The following TRPA1 variants were observed in gnomAD, a reference collection of about 807,000 sequenced individuals.
The protein encoded by TRPA1 is ankyrin-like with transmembrane domains 1.
Under a neutral mutation model 131.3 loss-of-function variants are expected in TRPA1, and 129 were observed. The observed-to-expected ratio is 0.98, with a 90% CI of 0.85 to 1.14. The LOEUF is 1.14. TRPA1 is among the 50% of genes most tolerant of loss of function. The probability of loss-of-function intolerance (pLI) is 0.00; values close to 1 mark genes in which losing one functional copy is unlikely to be tolerated. For missense variants in TRPA1, 1,304 were observed against 1,354.2 expected (o/e 0.96, Z 0.58); for synonymous variants, 441 against 451.7 (o/e 0.98, Z 0.30).
At chr8:72,079,504 CAATT>C (rs1806250489), upstream of TRPA1, among the ~76,000 whole-genome samples, 1 of 151,936 alleles carries the variant, frequency 6.6e-6, no homozygotes, top group African/African-American at 2.4e-5. Context: ...TGTCAAAAAT[CAATT>C]GACTACAAAT....
chr8:72,057,092 GC>G (rs2129435725), intron 9 of TRPA1, 75 bp from the exon 10 acceptor site: 1 of 1,220,644 alleles, frequency 8.2e-7, no homozygotes, highest in African/African-American at 1.6e-5. Flanking sequence ...TTTCAACTTA[GC>G]AAAAAAAAAT....
chr8:72,021,963 T>C lies in TRPA1; in HGVS notation c.*943A>G, dbSNP rs1811407678. On this transcript the variant is annotated 3_prime_UTR_variant, in exon 27 of 27. Transcript: ENST00000262209. Reference sequence around the variant, plus strand: ...ACAACATAACACAAGGACACATACATAGCCAAAGACATATTCATTACAGTG... The same window carrying C: ...ACAACATAACACAAGGACACATACACAGCCAAAGACATATTCATTACAGTG... 2 of 152,100 alleles carry C rather than the reference T, an allele frequency of 1.3e-5. No homozygotes were observed. The highest frequency in any genetic ancestry group is 6.6e-5 in the Admixed American group (1 of 15,262). 9.4% of individuals were successfully genotyped at this position (152,100 alleles called of 1,614,324 possible).
At chr8:72,063,431 A>G in intron 5 of TRPA1, 32 bp downstream of exon 5, 1 of 1,437,246 alleles carries the variant, frequency 7.0e-7, no homozygotes, top group Non-Finnish European at 9.8e-7. Context: ...AGACTTATTT[A>G]TAGTATATAA....
rs943168030 is a variant in TRPA1, at chr8:72,075,579, T to G, written c.-170A>C. 2 of 637,430 alleles carry G rather than the reference T, an allele frequency of 3.1e-6. No individual in the cohort carries two copies. Among genetic ancestry groups the G allele is most frequent in the Admixed American group, 5.0e-5 (2 of 39,688 alleles). The allele number at this position is 637,430 out of a possible 1,614,324, so 39.5% of individuals were successfully genotyped here. ...TCGCTCTGCGGAAGCCCTGGAGAACTTCTGGAAGGAGTTCTCAGGCCCGCG... is the reference window on the plus strand; with the variant it reads ...TCGCTCTGCGGAAGCCCTGGAGAACGTCTGGAAGGAGTTCTCAGGCCCGCG... On this transcript the variant is annotated 5_prime_UTR_variant, in exon 1 of 27. Coordinates refer to ENST00000262209, the MANE Select transcript of TRPA1 (RefSeq NM_007332.3).
At chr8:72,027,269 G>T (rs1180065380) in intron 24 of TRPA1, among the ~76,000 whole-genome samples, 2 of 152,024 alleles carry the variant, frequency 1.3e-5, no homozygotes, top group Non-Finnish European at 2.9e-5. Flanking sequence ...TATCTACATA[G>T]GTCCCTCAAA....
Position 72,055,616 on chromosome 8 carries a change from G to T in TRPA1, c.1365-16C>A. The T allele has an allele frequency of 6.2e-7, 1 of 1,613,344 alleles. No individual in the cohort carries two copies. Among genetic ancestry groups the T allele is most frequent in the East Asian group, 2.2e-5 (1 of 44,860 alleles). On this transcript the variant is annotated splice_polypyrimidine_tract_variant and intron_variant, in intron 11 of 26. Coordinates refer to ENST00000262209, the MANE Select transcript of TRPA1 (RefSeq NM_007332.3). Reference sequence around the variant, plus strand: ...ACGCCCATAACTTGGAAAAAATTAGGTTTCATATTTTCAAGGCAAATATTA... The same window carrying T: ...ACGCCCATAACTTGGAAAAAATTAGTTTTCATATTTTCAAGGCAAATATTA...
rs775817417 is a variant in TRPA1, at chr8:72,055,780, C to A, written c.1270G>T (p.Gly424Trp). 3 of 1,612,926 alleles carry A rather than the reference C, an allele frequency of 1.9e-6. No homozygotes were observed. The highest frequency in any genetic ancestry group is 2.5e-6 in the Non-Finnish European group (3 of 1,179,224). Residue 424 changes from glycine (G) to tryptophan (W), a missense_variant, in exon 11 of 27, where the codon GGG becomes TGG. Transcript: ENST00000262209. The part of the protein sequence containing the change: ...CTPLHYACRQ[G>W]GPGSVNNLLG... ...AGGTTATTTACAGAACCAGGGCCCC[C>A]CTGTCTACATGCATAATGTAGAGGA...
In TRPA1 at chr8:72,055,683, T is replaced by C; in HGVS notation, c.1364+3A>G. The C allele has an allele frequency of 6.2e-7, 1 of 1,613,690 alleles. No individual in the cohort carries two copies. Among genetic ancestry groups the C allele is most frequent in the Non-Finnish European group, 8.5e-7 (1 of 1,179,710 alleles). On this transcript the variant is annotated splice_donor_region_variant and intron_variant, in intron 11 of 26. Coordinates refer to ENST00000262209, the MANE Select transcript of TRPA1 (RefSeq NM_007332.3). ...GTTCATACATTGCTAGACTGACCCT[T>C]ACCTGGCTGCAAAATGCAGAGGTGA... is the stretch of plus-strand genomic sequence containing the variant.
intron 16 of TRPA1, 80 bp downstream of exon 16, chr8:72,047,068 C>A: frequency 9.3e-7 from 1 of 1,074,636 alleles, no homozygotes; most frequent in Non-Finnish European, 1.4e-6. Flanking sequence ...GATTACAGAT[C>A]AATAGTAACA....
chr8:72,059,148 TAAAAACACTG>T (rs1805745277), intron 8 of TRPA1, among the ~76,000 whole-genome samples: 1 of 152,208 alleles, frequency 6.6e-6, no homozygotes, highest in Non-Finnish European at 1.5e-5. Context: ...CTTCCTGCAC[TAAAAACACTG>T]ATATGGATAT....
At chr8:72,062,052 A>G (rs1157268055) in intron 6 of TRPA1, among the ~76,000 whole-genome samples, 1 of 152,220 alleles carries the variant, frequency 6.6e-6, no homozygotes, top group African/African-American at 2.4e-5. Context: ...CCCAGGGAAC[A>G]TGAGAACAAT....
At chr8:72,090,008 G>A in the TRPA1 span, among the ~76,000 whole-genome samples, 1 of 151,848 alleles carries the variant, frequency 6.6e-6, no homozygotes, top group Non-Finnish European at 1.5e-5. Flanking sequence ...TAATCAAGCG[G>A]AGAAGTGTTC....
At chr8:72,072,375 C>A (rs978377314) in intron 1 of TRPA1, among the ~76,000 whole-genome samples, 1 of 152,268 alleles carries the variant, frequency 6.6e-6, no homozygotes, top group Non-Finnish European at 1.5e-5. Context: ...AGGATTTATT[C>A]AGCAAATGTC....
intron 1 of TRPA1, among the ~76,000 whole-genome samples, chr8:72,073,841 A>C (rs1451476915): frequency 2.0e-5 from 3 of 152,206 alleles, no homozygotes; most frequent in Non-Finnish European, 4.4e-5. Flanking sequence ...TTTATGACTC[A>C]GTTCTCTGGA....
At chr8:72,070,840 G>A (rs1178054347) in intron 2 of TRPA1, among the ~76,000 whole-genome samples, 2 of 152,118 alleles carry the variant, frequency 1.3e-5, no homozygotes, top group Admixed American at 6.6e-5. Flanking sequence ...CATTTCTGTT[G>A]TGTGCTGGAT....
chr8:72,073,758 T>C (rs1053180262), intron 1 of TRPA1, among the ~76,000 whole-genome samples: 9 of 152,164 alleles, frequency 5.9e-5, no homozygotes, highest in African/African-American at 2.2e-4. Context: ...ACCACATGGG[T>C]GATTTTAGAA....
At chr8:72,027,167 C>T (rs1044343701) in intron 24 of TRPA1, among the ~76,000 whole-genome samples, 1 of 152,138 alleles carries the variant, frequency 6.6e-6, no homozygotes, top group African/African-American at 2.4e-5. Flanking sequence ...TTAGAGGTCA[C>T]ATACTATTTC....
In TRPA1 at chr8:72,036,414, A is replaced by T. The variant is rs1563385743; in HGVS notation, c.2429T>A (p.Ile810Asn). Residue 810 changes from isoleucine (I) to asparagine (N), a missense_variant, in exon 21 of 27, where the codon ATT (isoleucine) becomes AAT (asparagine). By Grantham distance (149) the Ile-to-Asn change is moderately radical. Transcript: ENST00000262209. ...AAAAATGATGCCCGTCGTGTAGATAATCCATTCAAGAACATTGCTTATATC... is the reference window on the plus strand; with the variant it reads ...AAAAATGATGCCCGTCGTGTAGATATTCCATTCAAGAACATTGCTTATATC... ...FMDISNVLEW[I>N]IYTTGIIFVL... 1.2e-6 allele frequency: 2 copies of T among 1,614,082 alleles called. No homozygotes were observed. Among genetic ancestry groups the T allele is most frequent in the Admixed American group, 3.3e-5 (2 of 60,024 alleles).
intron 3 of TRPA1, among the ~76,000 whole-genome samples, chr8:72,067,877 C>T (rs1459356720): frequency 6.6e-6 from 1 of 152,196 alleles, no homozygotes; most frequent in Non-Finnish European, 1.5e-5. Flanking sequence ...CCTTCTCAGT[C>T]AGCCAGAACT....
Sources: allele counts gnomAD v4.1 joint callset (sites outside exome capture counted in the v4.1 genomes callset), GRCh38; gene constraint gnomAD v4.1.1; transcripts MANE v1.5; gene names NCBI Gene and HGNC (gene_info 2026-07-23, HGNC 2026-07-21).